HPSE2: variants seen among roughly 807,000 people sequenced by gnomAD.
HPSE2 encodes heparanase 2 (inactive), also known as inactive heparanase-2.
HPSE2 carries 38 observed loss-of-function variants against 60.5 expected under a neutral mutation model. The observed-to-expected ratio is 0.63, with a 90% CI of 0.48 to 0.82. The LOEUF is 0.82. HPSE2 is among the 40% of genes least tolerant of loss of function. The probability of loss-of-function intolerance (pLI) is 0.00; values close to 1 mark genes in which losing one functional copy is unlikely to be tolerated. For synonymous variants in HPSE2, 295 were observed against 293.2 expected, an observed-to-expected ratio of 1.01 and a Z score of -0.06; for missense variants, 713 against 740.4, an observed-to-expected ratio of 0.96 and a Z score of 0.43.
intron 3 of HPSE2, among the ~76,000 whole-genome samples, chr10:98,896,119 T>C (rs1953485811): frequency 6.6e-6 from 1 of 151,982 alleles, no homozygotes; most frequent in Non-Finnish European, 1.5e-5. Context: ...AAACCTCATC[T>C]ATAGTATCTC....
At chr10:98,927,304 A>AAAAGAGGATACAAACAAATTG (rs1954500973) in intron 3 of HPSE2, among the ~76,000 whole-genome samples, 2 of 152,156 alleles carry the variant, frequency 1.3e-5, no homozygotes, top group Non-Finnish European at 2.9e-5. Flanking sequence ...TTGGGTGCAT[A>AAAAGAGGATACAAACAAATTG]TATATTTAAA....
chr10:98,988,687 C>G (rs2135332166), intron 3 of HPSE2, among the ~76,000 whole-genome samples: 1 of 127,870 alleles, frequency 7.8e-6, no homozygotes, highest in African/African-American at 2.6e-5. Flanking sequence ...GCAAAAGAAA[C>G]TACCATCAGA....
intron 3 of HPSE2, among the ~76,000 whole-genome samples, chr10:98,908,873 AT>A (rs1166117921): frequency 6.6e-6 from 1 of 151,876 alleles, no homozygotes; most frequent in Non-Finnish European, 1.5e-5. Context: ...AAGCCATTTC[AT>A]TTTCCTCCTG....
chr10:98,879,842 T>C (rs1206910013), intron 3 of HPSE2, among the ~76,000 whole-genome samples: 1 of 127,808 alleles, frequency 7.8e-6, no homozygotes, highest in African/African-American at 3.1e-5. Flanking sequence ...CAACAGTTGG[T>C]GTGCATGTGC....
At chr10:99,299,352 A>T in the HPSE2 span, among the ~76,000 whole-genome samples, 1 of 152,200 alleles carries the variant, frequency 6.6e-6, no homozygotes, top group Non-Finnish European at 1.5e-5. Flanking sequence ...GCTGATGGAG[A>T]CGGAGAAACA....
chr10:99,155,470 C>T (rs1846504177), intron 2 of HPSE2, among the ~76,000 whole-genome samples: 2 of 149,270 alleles, frequency 1.3e-5, no homozygotes, highest in Admixed American at 6.7e-5. Flanking sequence ...CGCTCAACTA[C>T]GTGGAAACTG....
chr10:99,173,236 G>A (rs1434367323), intron 2 of HPSE2, among the ~76,000 whole-genome samples: 1 of 152,110 alleles, frequency 6.6e-6, no homozygotes, highest in East Asian at 1.9e-4. Context: ...TCCCGTCATA[G>A]TATACTGCTA....
intron 3 of HPSE2, among the ~76,000 whole-genome samples, chr10:99,008,194 T>C (rs1048547194): frequency 1.3e-5 from 2 of 152,242 alleles, no homozygotes; most frequent in African/African-American, 4.8e-5. Flanking sequence ...AAAGTTTTAA[T>C]GGAATAAGAG....
chr10:98,521,577 G>A (rs1184720255), intron 9 of HPSE2, among the ~76,000 whole-genome samples: 7 of 152,160 alleles, frequency 4.6e-5, no homozygotes, highest in Non-Finnish European at 8.8e-5. Flanking sequence ...ACAGTGTGGC[G>A]ATTCCTCAAG....
chr10:98,624,680 C>T (rs1321431353), intron 7 of HPSE2, among the ~76,000 whole-genome samples: 1 of 152,038 alleles, frequency 6.6e-6, no homozygotes, highest in African/African-American at 2.4e-5. Flanking sequence ...AAATGATATA[C>T]AAATTAAAGT....
At chr10:98,640,184 C>A (rs12267018) in intron 7 of HPSE2, among the ~76,000 whole-genome samples, 2,667 of 152,300 alleles carry the variant, frequency 0.018, 88 homozygotes, top group African/African-American at 0.061. Context: ...ACCTTGAGGG[C>A]AGAGACCATG....
In HPSE2 at chr10:98,850,553, G is replaced by A. The variant is rs559194291; in HGVS notation, c.611-106497C>T. Among the ~76,000 whole-genome samples, 25 of 152,038 alleles carry A rather than the reference G, an allele frequency of 1.6e-4. No homozygotes were observed. The South Asian group carries it at 4.6e-3, about 28-fold the overall frequency. On this transcript the variant is annotated intron_variant, in intron 3 of 11. Transcript: ENST00000370552. ...AGATGGAGACCATCCTGGCTAACAC[G>A]GTGAAACCCCGTCTCTACTAAAAAT... is the stretch of plus-strand genomic sequence containing the variant.
chr10:98,867,283 C>T (rs942435737), intron 3 of HPSE2, among the ~76,000 whole-genome samples: 15 of 148,672 alleles, frequency 1.0e-4, no homozygotes, highest in African/African-American at 3.5e-4. Flanking sequence ...GGAACTCAAA[C>T]AACTCTATAG....
intron 2 of HPSE2, among the ~76,000 whole-genome samples, chr10:99,207,626 A>G (rs1169171151): frequency 2.0e-5 from 3 of 152,232 alleles, no homozygotes; most frequent in East Asian, 1.9e-4. Context: ...AGAATATGCA[A>G]TATACAAAGA....
chr10:98,496,874 G>C (rs1462905058), intron 9 of HPSE2, among the ~76,000 whole-genome samples: 1 of 150,810 alleles, frequency 6.6e-6, no homozygotes, highest in Non-Finnish European at 1.5e-5. Context: ...ACTTTTTATG[G>C]TTTTTTGACA....
At chr10:99,304,146 C>G in the HPSE2 span, among the ~76,000 whole-genome samples, 1 of 152,186 alleles carries the variant, frequency 6.6e-6, no homozygotes, top group Non-Finnish European at 1.5e-5. Flanking sequence ...AGAGGTGAGA[C>G]TTAGACATCA....
At chr10:99,215,078 C>T (rs1849074239) in intron 2 of HPSE2, among the ~76,000 whole-genome samples, 1 of 152,078 alleles carries the variant, frequency 6.6e-6, no homozygotes. Flanking sequence ...CTCAGCAATC[C>T]CATTACTGGG....
intron 3 of HPSE2, among the ~76,000 whole-genome samples, chr10:99,124,875 T>C (rs954429304): frequency 2.0e-5 from 3 of 152,220 alleles, no homozygotes; most frequent in African/African-American, 7.2e-5. Flanking sequence ...GCCAGCTCCA[T>C]GGAGTGTGCA....
At chr10:98,853,724 G>C (rs1270146796) in intron 3 of HPSE2, among the ~76,000 whole-genome samples, 1 of 152,112 alleles carries the variant, frequency 6.6e-6, no homozygotes, top group Non-Finnish European at 1.5e-5. Context: ...TTATAAAGAG[G>C]AAATGTATGA....
Sources: gnomAD v4.1 joint callset for allele counts (sites outside exome capture counted in the v4.1 genomes callset) on GRCh38, gnomAD v4.1.1 for gene constraint, MANE v1.5 for transcripts, NCBI Gene and HGNC (gene_info 2026-07-23, HGNC 2026-07-21) for gene names.